The following CAST variants were observed in gnomAD, a reference collection of about 807,000 sequenced individuals.
The protein encoded by CAST is MIR583 host.
A neutral mutation model predicts 119.6 loss-of-function variants in CAST; 76 were observed. That is an observed-to-expected ratio of 0.64 (90% confidence interval 0.53 to 0.77). CAST has a LOEUF of 0.77. CAST is among the 30% of genes least tolerant of loss of function. The pLI, the probability that CAST is intolerant of heterozygous loss-of-function variation, is 0.00. For synonymous variants in CAST, 319 were observed against 331.6 expected (o/e 0.96, Z 0.41); for missense variants, 953 against 946.5 (o/e 1.01, Z -0.09).
At chr5:96,156,699 C>T in the CAST span, among the ~76,000 whole-genome samples, 1 of 152,138 alleles carries the variant, frequency 6.6e-6, no homozygotes, top group African/African-American at 2.4e-5. Context: ...GGTTGTGTCT[C>T]TTTACGAACT....
the CAST span, among the ~76,000 whole-genome samples, chr5:96,035,812 A>G: frequency 4.6e-5 from 7 of 151,542 alleles, no homozygotes; most frequent in Admixed American, 2.0e-4. Flanking sequence ...CAGTCTGTGG[A>G]TACTATATTT....
chr5:96,364,406 G>T, the CAST span, among the ~76,000 whole-genome samples: 1 of 152,148 alleles, frequency 6.6e-6, no homozygotes, highest in Non-Finnish European at 1.5e-5. Context: ...CAGAAGGAAT[G>T]GTACCAGCTC....
chr5:96,215,583 T>C, the CAST span: 1 of 152,066 alleles, frequency 6.6e-6, no homozygotes, highest in Non-Finnish European at 1.5e-5. Context: ...CACTTATACA[T>C]GGATTTTTTT....
At chr5:96,437,644 T>C in the CAST span, among the ~76,000 whole-genome samples, 3 of 152,198 alleles carry the variant, frequency 2.0e-5, no homozygotes, top group African/African-American at 7.2e-5. Flanking sequence ...ACCAGCATTA[T>C]AGGCATCACT....
the CAST span, among the ~76,000 whole-genome samples, chr5:96,325,424 TTC>T: frequency 1.3e-5 from 2 of 151,282 alleles, no homozygotes; most frequent in African/African-American, 4.8e-5. Context: ...CTTTCTTTCC[TTC>T]TTTCTTTTCT....
the CAST span, among the ~76,000 whole-genome samples, chr5:96,049,894 A>AAAAAAAAAAAAAAAAAAAAAAAAG: frequency 7.8e-6 from 1 of 128,014 alleles, no homozygotes; most frequent in Non-Finnish European, 1.6e-5. Flanking sequence ...GGAGGCAAAA[A>AAAAAAAAAAAAAAAAAAAAAAAAG]AAAAAAAAAA....
the CAST span, among the ~76,000 whole-genome samples, chr5:96,079,724 C>A: frequency 6.6e-6 from 1 of 152,258 alleles, no homozygotes; most frequent in East Asian, 1.9e-4. Context: ...ATATAGCAAC[C>A]TTTAAGAATC....
chr5:96,248,240 A>C, the CAST span, among the ~76,000 whole-genome samples: 1 of 151,998 alleles, frequency 6.6e-6, no homozygotes, highest in East Asian at 1.9e-4. Flanking sequence ...AGTGTGTTTC[A>C]TTTAAACCAC....
the CAST span, among the ~76,000 whole-genome samples, chr5:96,171,922 AC>A: frequency 1.4e-5 from 2 of 143,498 alleles, no homozygotes; most frequent in South Asian, 2.5e-4. Context: ...GGAGGTCCCC[AC>A]CCCCCCACGC....
the CAST span, among the ~76,000 whole-genome samples, chr5:96,403,915 T>C: frequency 3.3e-5 from 5 of 152,240 alleles, no homozygotes; most frequent in African/African-American, 4.8e-5. Flanking sequence ...ACCAGAAGTT[T>C]GGCTTATCTG....
chr5:96,088,968 C>CA, the CAST span, among the ~76,000 whole-genome samples: 14 of 151,732 alleles, frequency 9.2e-5, no homozygotes, highest in Non-Finnish European at 1.9e-4. Context: ...TGCTTGTTTT[C>CA]AGGGATTTAT....
chr5:96,730,060 C>T (rs1316737309), intron 8 of CAST, among the ~76,000 whole-genome samples: 1 of 151,812 alleles, frequency 6.6e-6, no homozygotes, highest in African/African-American at 2.4e-5. Flanking sequence ...CCTGGACCCC[C>T]CACACCTGGG....
the CAST span, among the ~76,000 whole-genome samples, chr5:96,109,699 G>C: frequency 6.6e-6 from 1 of 152,184 alleles, no homozygotes; most frequent in Non-Finnish European, 1.5e-5. Context: ...CACCTGTGTG[G>C]CAAAGTTGTC....
At chr5:96,083,229 T>C in the CAST span, among the ~76,000 whole-genome samples, 1 of 152,222 alleles carries the variant, frequency 6.6e-6, no homozygotes, top group African/African-American at 2.4e-5. Flanking sequence ...GCAAGACTGT[T>C]ATGACTACAG....
At chr5:96,469,386 G>A in the CAST span, among the ~76,000 whole-genome samples, 1 of 151,976 alleles carries the variant, frequency 6.6e-6, no homozygotes, top group Non-Finnish European at 1.5e-5. Context: ...AAAAGATCAG[G>A]CTCTTGACTG....
chr5:96,624,130 C>T (rs1378323288), intron 1 of CAST, among the ~76,000 whole-genome samples: 1 of 152,224 alleles, frequency 6.6e-6, no homozygotes, highest in African/African-American at 2.4e-5. Context: ...CACCAGGGCA[C>T]TCCACAAATG....
chr5:96,756,382 A>G (rs1021767030), intron 22 of CAST, among the ~76,000 whole-genome samples: 3 of 152,350 alleles, frequency 2.0e-5, no homozygotes, highest in Admixed American at 6.5e-5. Context: ...AAGAATGGTC[A>G]GAAGGCAAAA....
the CAST span, among the ~76,000 whole-genome samples, chr5:96,180,322 G>A: frequency 6.6e-6 from 1 of 152,178 alleles, no homozygotes; most frequent in Non-Finnish European, 1.5e-5. Context: ...AAGAATATTT[G>A]TTCATAGTAC....
chr5:96,186,023 C>A, the CAST span, among the ~76,000 whole-genome samples: 9,905 of 152,140 alleles, frequency 0.065, 531 homozygotes, highest in East Asian at 0.21. Context: ...TGTCTGATTT[C>A]TTTGTGCAGT....
Sources: gnomAD v4.1 joint callset for allele counts (sites outside exome capture counted in the v4.1 genomes callset) on GRCh38, gnomAD v4.1.1 for gene constraint, MANE v1.5 for transcripts, NCBI Gene and HGNC (gene_info 2026-07-23, HGNC 2026-07-21) for gene names.